Variants in INTS8 observed in about 807,000 individuals in gnomAD.
INTS8 encodes the protein protein kaonashi-1.
INTS8 carries 47 observed loss-of-function variants against 138.9 expected under a neutral mutation model. The observed-to-expected ratio is 0.34, with a 90% confidence interval of 0.27 to 0.43. The LOEUF (loss-of-function observed/expected upper bound fraction) is 0.43, where lower values mean the gene tolerates loss of function less well. Among genes scored for constraint, INTS8 ranks in the 20% least tolerant of loss-of-function variants. The pLI, the probability that INTS8 is intolerant of heterozygous loss-of-function variation, is 1.00. For synonymous variants in INTS8, 392 were observed against 400.9 expected, an observed-to-expected ratio of 0.98 and a Z score of 0.27; for missense variants, 996 against 1,173.0, an observed-to-expected ratio of 0.85 and a Z score of 2.20.
intron 2 of INTS8, among the ~76,000 whole-genome samples, chr8:94,825,498 G>A (rs1197878423): frequency 6.6e-6 from 1 of 151,548 alleles, no homozygotes; most frequent in East Asian, 1.9e-4. Flanking sequence ...CATTACTTTT[G>A]ATGTGGTAAC....
intron 1 of INTS8, 24 bp downstream of exon 1, chr8:94,823,585 G>A: frequency 6.6e-7 from 1 of 1,521,922 alleles, no homozygotes; most frequent in Non-Finnish European, 8.9e-7. Flanking sequence ...CTGCACCTGG[G>A]GAGCGGGACC....
intron 15 of INTS8, among the ~76,000 whole-genome samples, chr8:94,857,465 C>T (rs1815793843): frequency 7.9e-5 from 12 of 152,152 alleles, no homozygotes; most frequent in Admixed American, 7.9e-4. Context: ...ATGAAGGAAA[C>T]TGTTCATTTC....
chr8:94,831,166 T>G (rs1298533593), intron 5 of INTS8, among the ~76,000 whole-genome samples: 1 of 152,036 alleles, frequency 6.6e-6, no homozygotes, highest in Non-Finnish European at 1.5e-5. Flanking sequence ...CAGGCTGGAG[T>G]GCAGTGGCAT....
At position 94,828,575 on chromosome 8, in the gene INTS8, A is replaced by C. The variant is rs562848388; in HGVS notation, c.519-400A>C. Reference sequence around the variant, plus strand: ...AGCCAAATTTGGAGCTAGAAAGCATAGTTTCTAACTTGATACAAATGAGCT... The same window carrying C: ...AGCCAAATTTGGAGCTAGAAAGCATCGTTTCTAACTTGATACAAATGAGCT... On this transcript the variant is annotated intron_variant, in intron 4 of 26. Coordinates refer to ENST00000523731, the MANE Select transcript of INTS8 (RefSeq NM_017864.4). 2.0e-5 allele frequency among the ~76,000 whole-genome samples: 3 copies of C among 152,274 alleles called. No homozygotes were observed. In the South Asian group the frequency reaches 6.2e-4, roughly 32 times the overall value.
At chr8:94,836,471 C>A in intron 6 of INTS8, 53 bp from the exon 7 acceptor site, 1 of 1,395,434 alleles carries the variant, frequency 7.2e-7, no homozygotes, top group South Asian at 1.2e-5. Context: ...GTTCTGTCAC[C>A]TCTTAAGTAC....
At position 94,840,052 on chromosome 8, in the gene INTS8, C is replaced by T. The variant is rs910170755; in HGVS notation, c.1017+1434C>T. Among the ~76,000 whole-genome samples the T allele has an allele frequency of 3.9e-5, 6 of 152,108 alleles. No individual in the cohort carries two copies. In the East Asian group the frequency reaches 5.8e-4, roughly 15 times the overall value. The stretch of plus-strand genomic sequence containing the variant: ...AAAATAGTGTAATGGGTAGCTAAGA[C>T]GGGGAAAATAGGAATTTTGTTGCAT... On this transcript the variant is annotated intron_variant, in intron 8 of 26. Coordinates refer to ENST00000523731, the MANE Select transcript of INTS8 (RefSeq NM_017864.4).
intron 26 of INTS8, among the ~76,000 whole-genome samples, chr8:94,878,296 C>T (rs1027648689): frequency 7.2e-5 from 11 of 152,176 alleles, no homozygotes; most frequent in Non-Finnish European, 1.2e-4. Context: ...CCTGTTTAAG[C>T]CCCTGTCCTC....
At position 94,880,849 on chromosome 8, in the gene INTS8, A is replaced by T. The variant is rs1816782648; in HGVS notation, c.*615A>T. 1 of 398,600 alleles carries T rather than the reference A, an allele frequency of 2.5e-6. No individual in the cohort carries two copies. Among genetic ancestry groups the T allele is most frequent in the South Asian group, 1.3e-4 (1 of 7,858 alleles). The allele number at this position is 398,600 out of a possible 1,614,324, so 24.7% of individuals were successfully genotyped here. A position where few individuals can be genotyped will look rare whatever the true frequency, so the allele number is the denominator to read the frequency against. ...GTTTGAAAGGGTACTTAAGTTTTTC[A>T]CCCAAATTGTGATATACAAAAAGGT... is the stretch of plus-strand genomic sequence containing the variant. On this transcript the variant is annotated 3_prime_UTR_variant, in exon 27 of 27. Transcript: ENST00000523731.
chr8:94,856,646 C>G lies in INTS8; in HGVS notation c.1753-131C>G, dbSNP rs1378827915. Reference sequence around the variant, plus strand: ...ATACAGAGATGAAAATACTATCTAGCCTTACTGCCTGAGAAAAGCAACGTT... The same window carrying G: ...ATACAGAGATGAAAATACTATCTAGGCTTACTGCCTGAGAAAAGCAACGTT... On this transcript the variant is annotated intron_variant, in intron 14 of 26. Transcript: ENST00000523731. 7.2e-6 allele frequency: 5 copies of G among 695,140 alleles called. No homozygotes were observed. In the Admixed American group the frequency reaches 1.2e-4, roughly 17 times the overall value. The allele number at this position is 695,140 out of a possible 1,614,324, so 43.1% of individuals were successfully genotyped here. A position where few individuals can be genotyped will look rare whatever the true frequency, so the allele number is the denominator to read the frequency against.
chr8:94,873,626 A>G (rs1816479083), intron 22 of INTS8, 149 bp downstream of exon 22: 1 of 611,942 alleles, frequency 1.6e-6, no homozygotes, highest in Non-Finnish European at 3.0e-6. Context: ...GTGTATTTTC[A>G]TTGTCCTTAT....
At chr8:94,830,564 C>A (rs1464760651) in intron 5 of INTS8, among the ~76,000 whole-genome samples, 1 of 152,166 alleles carries the variant, frequency 6.6e-6, no homozygotes, top group African/African-American at 2.4e-5. Flanking sequence ...GTGGCCTGAT[C>A]TTGGCTCATT....
Position 94,881,414 on chromosome 8 carries a change from T to TAAAC in INTS8, c.*1183_*1186dup, listed in dbSNP as rs554912176. 3 of 538,846 alleles carry TAAAC rather than the reference T, an allele frequency of 5.6e-6. 1 individual carries two copies. The East Asian group carries it at 9.1e-5, about 16-fold the overall frequency. 33.4% of individuals were successfully genotyped at this position (538,846 alleles called of 1,614,324 possible). A position where few individuals can be genotyped will look rare whatever the true frequency, so the allele number is the denominator to read the frequency against. On this transcript the variant is annotated 3_prime_UTR_variant, in exon 27 of 27. Transcript: ENST00000523731. ...AACCTTGGGAATGAAGACATCTTTG[T>TAAAC]AAACAAGTCCTGCTGTTTCTTTAAC...
chr8:94,857,043 T>A, intron 15 of INTS8, 65 bp downstream of exon 15: 1 of 1,182,734 alleles, frequency 8.5e-7, no homozygotes, highest in Non-Finnish European at 1.2e-6. Context: ...GGGGAAAATT[T>A]AAAAGCAGAT....
In INTS8 at chr8:94,880,246, T is replaced by G; in HGVS notation, c.*12T>G. ...AACTTTACTTTTAAGCAGTTAAATT[T>G]TTTTAACTTTTATTTTTTAAACAAT... On this transcript the variant is annotated 3_prime_UTR_variant, in exon 27 of 27. Transcript: ENST00000523731. The G allele has an allele frequency of 6.9e-7, 1 of 1,440,366 alleles. No homozygotes were observed. 89.2% of individuals were successfully genotyped at this position (1,440,366 alleles called of 1,614,324 possible).
At chr8:94,835,079 A>C (rs1233834770) in intron 6 of INTS8, among the ~76,000 whole-genome samples, 1 of 152,222 alleles carries the variant, frequency 6.6e-6, no homozygotes, top group African/African-American at 2.4e-5. Flanking sequence ...AGATCAGGCC[A>C]AGGAGTTTGA....
intron 2 of INTS8, among the ~76,000 whole-genome samples, chr8:94,825,423 C>G (rs1465132217): frequency 7.2e-6 from 1 of 139,790 alleles, no homozygotes; most frequent in African/African-American, 2.8e-5. Flanking sequence ...TAGAGTAAGA[C>G]TCGGAAAAAA....
Position 94,856,987 on chromosome 8 carries a change from G to T in INTS8, c.1954+9G>T. The T allele has an allele frequency of 6.2e-7, 1 of 1,604,736 alleles. No individual in the cohort carries two copies. Among genetic ancestry groups the T allele is most frequent in the South Asian group, 1.1e-5 (1 of 90,320 alleles). On this transcript the variant is annotated intron_variant, in intron 15 of 26. Transcript: ENST00000523731. ...GGAAATGAGGCTTCCTGGTAAGACT[G>T]GTTCACAAAGACAAATTTCAGAAAC...
chr8:94,858,747 C>T (rs376144324), intron 15 of INTS8, among the ~76,000 whole-genome samples: 1 of 152,198 alleles, frequency 6.6e-6, no homozygotes, highest in Non-Finnish European at 1.5e-5. Context: ...TGTACTCCAG[C>T]CCAGCTTCAA....
At position 94,830,078 on chromosome 8, in the gene INTS8, G is replaced by C. The variant is rs560799212; in HGVS notation, c.570+1052G>C. On this transcript the variant is annotated intron_variant, in intron 5 of 26. Transcript: ENST00000523731. ...GCCCAGCTAATTTTTTGTATTTTTAGTAGAGACGGGTTTCACCGTGTTGGC... is the reference window on the plus strand; with the variant it reads ...GCCCAGCTAATTTTTTGTATTTTTACTAGAGACGGGTTTCACCGTGTTGGC... Among the ~76,000 whole-genome samples, 27 of 152,210 alleles carry C rather than the reference G, an allele frequency of 1.8e-4. No individual in the cohort carries two copies. The South Asian group carries it at 5.6e-3, about 32-fold the overall frequency.
Sources: gnomAD v4.1 joint callset for allele counts (sites outside exome capture counted in the v4.1 genomes callset) on GRCh38, gnomAD v4.1.1 for gene constraint, MANE v1.5 for transcripts, NCBI Gene and HGNC (gene_info 2026-07-23, HGNC 2026-07-21) for gene names.